Variants in HMGB3 observed in about 807,000 individuals in gnomAD.
The protein encoded by HMGB3 is high mobility group box 3.
A neutral mutation model predicts 12.9 loss-of-function variants in HMGB3; 1 was observed. That is an observed-to-expected ratio of 0.08 (90% CI 0.03 to 0.37). The LOEUF (loss-of-function observed/expected upper bound fraction) is 0.37. HMGB3 is among the 10% of genes least tolerant of loss of function. The pLI is 0.99. For synonymous variants in HMGB3, 61 were observed against 53.9 expected (o/e 1.13, Z -0.57); for missense variants, 74 against 153.3 (o/e 0.48, Z 2.73).
chrX:150,983,116 G>A (rs782298713), upstream of HMGB3, among the ~76,000 whole-genome samples: 236 of 113,015 alleles, frequency 2.1e-3, 5 homozygotes, highest in Admixed American at 0.02. Flanking sequence ...GCGAGACTAG[G>A]TCTTTCCCTG....
chrX:150,981,584 C>G (rs782716819), upstream of HMGB3, among the ~76,000 whole-genome samples: 2 of 109,252 alleles, frequency 1.8e-5, no homozygotes, highest in African/African-American at 6.7e-5. Flanking sequence ...ATTCTCCTGC[C>G]TCAGCCTCCT....
chrX:150,986,901 C>T (rs1229031118), intron 3 of HMGB3, among the ~76,000 whole-genome samples: 3 of 111,867 alleles, frequency 2.7e-5, no homozygotes, highest in African/African-American at 9.8e-5. Flanking sequence ...CCTGCCTCGG[C>T]CTCCCAAAGT....
intron 2 of HMGB3, 66 bp downstream of exon 2, chrX:150,985,815 T>G (rs2048046273): frequency 1.0e-6 from 1 of 974,637 alleles, no homozygotes; most frequent in Non-Finnish European, 1.4e-6. Flanking sequence ...TTACTTACCT[T>G]CAGATTTTCT....
Position 150,988,235 on chromosome X carries a change from ATTTTC to A in HMGB3, c.*326_*330del. 1 of 176,424 alleles carries A rather than the reference ATTTTC, an allele frequency of 5.7e-6. No homozygotes were observed. The highest frequency in any genetic ancestry group is 1.1e-5 in the Non-Finnish European group (1 of 93,299). The allele number at this position is 176,424 out of a possible 1,213,427, so 14.5% of individuals were successfully genotyped here. A position where few individuals can be genotyped will look rare whatever the true frequency, so the allele number is the denominator to read the frequency against. On this transcript the variant is annotated 3_prime_UTR_variant, in exon 5 of 5. Transcript: ENST00000325307. ...CAAGGCATTTAAAGATGTTTCTGGCATTTTCTTTTTATTTGTAAGGTGGTGGTAAC... is the reference window on the plus strand; with the variant it reads ...CAAGGCATTTAAAGATGTTTCTGGCATTTTTATTTGTAAGGTGGTGGTAAC...
intron 1 of HMGB3, 140 bp downstream of exon 1, chrX:150,983,516 C>A: frequency 1.4e-6 from 1 of 726,368 alleles, no homozygotes; most frequent in Non-Finnish European, 1.6e-6. Flanking sequence ...CCTCCCCCTG[C>A]CTCTACTCCC....
intron 2 of HMGB3, 28 bp from the exon 3 acceptor site, chrX:150,986,023 G>A: frequency 8.4e-7 from 1 of 1,197,330 alleles, no homozygotes; most frequent in Non-Finnish European, 1.1e-6. Context: ...ACTGCATCGA[G>A]GGATTTAACG....
chrX:150,988,044 T>C lies in HMGB3; in HGVS notation c.*130T>C, dbSNP rs2048073197. ...ACAAAATTTGATCACGATCATATTG[T>C]AGTCTCTCAAAGTGCTCTAGAAATT... On this transcript the variant is annotated 3_prime_UTR_variant, in exon 5 of 5. Transcript: ENST00000325307. 2.2e-6 allele frequency: 2 copies of C among 899,828 alleles called. No homozygotes were observed. Among genetic ancestry groups the C allele is most frequent in the Non-Finnish European group, 3.0e-6 (2 of 661,891 alleles). The allele number at this position is 899,828 out of a possible 1,213,427, so 74.2% of individuals were successfully genotyped here.
intron 1 of HMGB3, 41 bp from the exon 2 acceptor site, chrX:150,985,554 G>T (rs782802670): frequency 9.1e-7 from 1 of 1,102,032 alleles, no homozygotes; most frequent in Non-Finnish European, 1.2e-6. Context: ...ATTCCTCCTT[G>T]CTTTTCCTCA....
In HMGB3 at chrX:150,988,169, C is replaced by G; in HGVS notation, c.*255C>G. ...AACATTTTTAAAATGAAAAGGCACT[C>G]TCGTGTTCTCCTCACTCTGTGCACT... On this transcript the variant is annotated 3_prime_UTR_variant, in exon 5 of 5. Coordinates refer to ENST00000325307, the MANE Select transcript of HMGB3 (RefSeq NM_005342.4). The G allele has an allele frequency of 3.3e-6, 1 of 300,246 alleles. No homozygotes were observed. The highest frequency in any genetic ancestry group is 5.9e-6 in the Non-Finnish European group (1 of 168,423). 24.7% of individuals were successfully genotyped at this position (300,246 alleles called of 1,213,427 possible). A position where few individuals can be genotyped will look rare whatever the true frequency, so the allele number is the denominator to read the frequency against.
Position 150,988,601 on chromosome X carries a change from A to G in HMGB3, c.*687A>G, listed in dbSNP as rs916870458. ...TAGTTTTTAAACTGTTTGTTTTTAA[A>G]CAAACTATAGAACTCTTCATTGTCA... On this transcript the variant is annotated 3_prime_UTR_variant, in exon 5 of 5. Transcript: ENST00000325307. 8.9e-6 allele frequency: 1 copy of G among 112,035 alleles called. No homozygotes were observed. The highest frequency in any genetic ancestry group is 3.3e-5 in the African/African-American group (1 of 30,705). The allele number at this position is 112,035 out of a possible 1,213,427, so 9.2% of individuals were successfully genotyped here. A position where few individuals can be genotyped will look rare whatever the true frequency, so the allele number is the denominator to read the frequency against.
At chrX:150,984,558 C>G in intron 1 of HMGB3, 1 of 740,627 alleles carries the variant, frequency 1.4e-6, no homozygotes. Context: ...CCGCGCGTCC[C>G]CCGGGGATGA....
At position 150,988,177 on chromosome X, in the gene HMGB3, C is replaced by T; in HGVS notation, c.*263C>T. ...TAAAATGAAAAGGCACTCTCGTGTTCTCCTCACTCTGTGCACTTTGCTGTT... is the reference window on the plus strand; with the variant it reads ...TAAAATGAAAAGGCACTCTCGTGTTTTCCTCACTCTGTGCACTTTGCTGTT... On this transcript the variant is annotated 3_prime_UTR_variant, in exon 5 of 5. Transcript: ENST00000325307. 3.6e-6 allele frequency: 1 copy of T among 279,991 alleles called. No homozygotes were observed. The highest frequency in any genetic ancestry group is 6.4e-6 in the Non-Finnish European group (1 of 156,358). 23.1% of individuals were successfully genotyped at this position (279,991 alleles called of 1,213,427 possible). A position where few individuals can be genotyped will look rare whatever the true frequency, so the allele number is the denominator to read the frequency against.
chrX:150,990,167 G>A lies in HMGB3; in HGVS notation c.*2253G>A, dbSNP rs1305723837. The A allele has an allele frequency of 3.6e-5, 4 of 111,987 alleles. No individual in the cohort carries two copies. The highest frequency in any genetic ancestry group is 2.8e-4 in the East Asian group (1 of 3,603). The allele number at this position is 111,987 out of a possible 1,213,427, so 9.2% of individuals were successfully genotyped here. ...CAAATATGGAAGAGAAACAACCTGCGGTCAAAAGGGAGTGATTTGTTAAGT... is the reference window on the plus strand; with the variant it reads ...CAAATATGGAAGAGAAACAACCTGCAGTCAAAAGGGAGTGATTTGTTAAGT... On this transcript the variant is annotated 3_prime_UTR_variant, in exon 5 of 5. Transcript: ENST00000325307.
rs1180396431 is a variant in HMGB3 at position 150,989,948 on chromosome X, A to G, written c.*2034A>G. On this transcript the variant is annotated 3_prime_UTR_variant, in exon 5 of 5. Transcript: ENST00000325307. ...CTCCCATCAGAACTGTTTGTCCTGA[A>G]TGTGTTCCTCTAGTTCTAGAAAATG... 1 of 111,712 alleles carries G rather than the reference A, an allele frequency of 9.0e-6. No individual in the cohort carries two copies. The highest frequency in any genetic ancestry group is 1.9e-5 in the Non-Finnish European group (1 of 53,189). 9.2% of individuals were successfully genotyped at this position (111,712 alleles called of 1,213,427 possible).
rs1329625376 is a variant in HMGB3, at chrX:150,989,910, A to G, written c.*1996A>G. The stretch of plus-strand genomic sequence containing the variant: ...TCACAGCCTGATCTCTTATGTGTTC[A>G]TAGCCATTCGCTCTCCCATCAGAAC... On this transcript the variant is annotated 3_prime_UTR_variant, in exon 5 of 5. Coordinates refer to ENST00000325307, the MANE Select transcript of HMGB3 (RefSeq NM_005342.4). The G allele has an allele frequency of 8.9e-6, 1 of 111,758 alleles. No homozygotes were observed. Among genetic ancestry groups the G allele is most frequent in the Non-Finnish European group, 1.9e-5 (1 of 53,192 alleles). The allele number at this position is 111,758 out of a possible 1,213,427, so 9.2% of individuals were successfully genotyped here.
Position 150,990,600 on chromosome X carries a change from C to T in HMGB3, c.*2686C>T, listed in dbSNP as rs187950740. The stretch of plus-strand genomic sequence containing the variant: ...AAAGGATAGTACCTACTCCCTCTAA[C>T]CACCTCACCCCATTCTTGAATGACA... On this transcript the variant is annotated 3_prime_UTR_variant, in exon 5 of 5. Coordinates refer to ENST00000325307, the MANE Select transcript of HMGB3 (RefSeq NM_005342.4). The T allele has an allele frequency of 2.2e-4, 24 of 109,078 alleles. No homozygotes were observed. Among genetic ancestry groups the T allele is most frequent in the Admixed American group, 1.6e-3 (16 of 10,206 alleles). The allele number at this position is 109,078 out of a possible 1,213,427, so 9.0% of individuals were successfully genotyped here.
chrX:150,984,830 G>A (rs1488241339), intron 1 of HMGB3, among the ~76,000 whole-genome samples: 2 of 112,159 alleles, frequency 1.8e-5, no homozygotes, highest in Non-Finnish European at 3.8e-5. Flanking sequence ...AAGATGGCGG[G>A]AAGCTGGGGG....
upstream of HMGB3, among the ~76,000 whole-genome samples, chrX:150,981,203 A>G (rs2047990783): frequency 9.2e-6 from 1 of 109,269 alleles, no homozygotes; most frequent in South Asian, 4.1e-4. Flanking sequence ...GCCATGAACT[A>G]TCTGAAGGGT....
chrX:150,984,422 C>A (rs868996429), intron 1 of HMGB3: 1 of 102,639 alleles, frequency 9.7e-6, no homozygotes, highest in East Asian at 3.3e-4. Flanking sequence ...CCGCGCCGGC[C>A]GCGCGCGGAT....
Sources: gnomAD v4.1 joint callset for allele counts (sites outside exome capture counted in the v4.1 genomes callset) on GRCh38, gnomAD v4.1.1 for gene constraint, MANE v1.5 for transcripts, NCBI Gene and HGNC (gene_info 2026-07-23, HGNC 2026-07-21) for gene names.